KCNK3: variants seen among roughly 807,000 people sequenced by gnomAD.
The protein encoded by KCNK3 is potassium channel subfamily K member 3.
KCNK3 carries 9 observed loss-of-function variants against 27.3 expected under a neutral mutation model. The observed-to-expected ratio is 0.33, with a 90% confidence interval of 0.20 to 0.57. The LOEUF is 0.57. Among genes scored for constraint, KCNK3 ranks in the 20% least tolerant of loss-of-function variants. The pLI is 0.87. For synonymous variants in KCNK3, 278 were observed against 273.8 expected (o/e 1.02, Z -0.15); for missense variants, 391 against 577.7 (o/e 0.68, Z 3.31).
intron 1 of KCNK3, chr2:26,724,373 G>A (rs1024261840): frequency 6.5e-6 from 1 of 153,466 alleles, no homozygotes; most frequent in Non-Finnish European, 1.4e-5. Context: ...TCCCGGCCTG[G>A]TCGCCCTTCC....
intron 1 of KCNK3, among the ~76,000 whole-genome samples, chr2:26,720,219 C>T (rs1420443156): frequency 6.6e-6 from 1 of 152,218 alleles, no homozygotes; most frequent in Non-Finnish European, 1.5e-5. Context: ...CATGCCACTG[C>T]ACTCTAGCCT....
At chr2:26,715,672 T>C (rs1311501464) in intron 1 of KCNK3, among the ~76,000 whole-genome samples, 1 of 152,216 alleles carries the variant, frequency 6.6e-6, no homozygotes, top group Admixed American at 6.5e-5. Context: ...TGACTCCATG[T>C]GCCCCTGAGG....
chr2:26,728,442 C>A lies in KCNK3; in HGVS notation c.1059C>A (p.Tyr353Ter). The A allele has an allele frequency of 6.3e-7, 1 of 1,587,054 alleles. No individual in the cohort carries two copies. Among genetic ancestry groups the A allele is most frequent in the East Asian group, 2.3e-5 (1 of 43,680 alleles). ...SHSSPGGGGRYSDTPSRRCLC... is the reference protein window; with the variant it reads ...SHSSPGGGGR Reference sequence around the variant, plus strand: ...CGTCGCCGGGAGGGGGCGGCCGCTACAGCGACACGCCCTCGCGACGCTGCC... The same window carrying A: ...CGTCGCCGGGAGGGGGCGGCCGCTAAAGCGACACGCCCTCGCGACGCTGCC... The change falls in exon 2 of 2, where the codon TAC becomes TAA. Residue 353 changes from tyrosine to a stop codon, truncating the protein, a stop_gained. Transcript: ENST00000302909. LOFTEE classifies it high-confidence loss of function.
At position 26,713,764 on chromosome 2, in the gene KCNK3, C is replaced by T. The variant is rs187647419; in HGVS notation, c.284-13903C>T. Among the ~76,000 whole-genome samples the T allele has an allele frequency of 9.0e-5, 13 of 144,100 alleles. No individual in the cohort carries two copies. In the East Asian group the frequency reaches 1.2e-3, roughly 13 times the overall value. 94.5% of individuals were successfully genotyped at this position (144,100 alleles called of 152,430 possible). On this transcript the variant is annotated intron_variant, in intron 1 of 1. Coordinates refer to ENST00000302909, the MANE Select transcript of KCNK3 (RefSeq NM_002246.3). The stretch of plus-strand genomic sequence containing the variant: ...CGTACCACCAGCCTGGGCGAAAAAG[C>T]GAGAATCCATCTCAAAAAAAAAAAA...
Position 26,692,813 on chromosome 2 carries a change from G to A in KCNK3, c.-63G>A, listed in dbSNP as rs1572598613. On this transcript the variant is annotated 5_prime_UTR_variant, in exon 1 of 2. Coordinates refer to ENST00000302909, the MANE Select transcript of KCNK3 (RefSeq NM_002246.3). This position sits in a 1 kb window ranked among gnomAD's most constrained non-coding sequence, Gnocchi z 5.6. ...AGGCCGCCTCCGGGGCAGCAGCAGCGGCGGCCGGGGCCGAGGCGCGGGCCG... is the reference window on the plus strand; with the variant it reads ...AGGCCGCCTCCGGGGCAGCAGCAGCAGCGGCCGGGGCCGAGGCGCGGGCCG... 1 of 926,694 alleles carries A rather than the reference G, an allele frequency of 1.1e-6. No homozygotes were observed. The highest frequency in any genetic ancestry group is 1.3e-6 in the Non-Finnish European group (1 of 773,310). 57.4% of individuals were successfully genotyped at this position (926,694 alleles called of 1,614,324 possible). A position where few individuals can be genotyped will look rare whatever the true frequency, so the allele number is the denominator to read the frequency against.
chr2:26,728,477 G>C lies in KCNK3; in HGVS notation c.1094G>C (p.Gly365Ala). The part of the protein sequence containing the change: ...DTPSRRCLCS[G>A]APRSAISSVS... ...CCCTCGCGACGCTGCCTGTGCAGCG[G>C]GGCGCCACGCTCCGCCATCAGCTCG... is the stretch of plus-strand genomic sequence containing the variant. The change falls in exon 2 of 2, where the codon GGG (glycine) becomes GCG (alanine). Residue 365 changes from glycine (G) to alanine (A), a missense_variant. Gly to Ala is a moderately conservative substitution (Grantham distance 60). Around this residue, in one of 4 missense-constraint regions of KCNK3, gnomAD observed 192 missense variants for 196.0 expected, o/e 0.98. Transcript: ENST00000302909. The C allele has an allele frequency of 6.4e-7, 1 of 1,550,998 alleles. No homozygotes were observed. Among genetic ancestry groups the C allele is most frequent in the Admixed American group, 1.8e-5 (1 of 54,122 alleles).
intron 1 of KCNK3, among the ~76,000 whole-genome samples, chr2:26,702,055 C>T (rs1317646856): frequency 6.6e-6 from 1 of 152,136 alleles, no homozygotes; most frequent in African/African-American, 2.4e-5. Context: ...ATTTCATCAC[C>T]GAGGTACTAA....
Position 26,729,189 on chromosome 2 carries a change from G to A in KCNK3, c.*621G>A, listed in dbSNP as rs1663490412. On this transcript the variant is annotated 3_prime_UTR_variant, in exon 2 of 2. Coordinates refer to ENST00000302909, the MANE Select transcript of KCNK3 (RefSeq NM_002246.3). ...AGAAGGAGGGACAGGCAGGCAGCAGGAGGGGCGAGCTGGGAGGCAGGAGGC... is the reference window on the plus strand; with the variant it reads ...AGAAGGAGGGACAGGCAGGCAGCAGAAGGGGCGAGCTGGGAGGCAGGAGGC... 1 of 152,934 alleles carries A rather than the reference G, an allele frequency of 6.5e-6. No individual in the cohort carries two copies. Among genetic ancestry groups the A allele is most frequent in the Non-Finnish European group, 1.5e-5 (1 of 68,268 alleles). 9.5% of individuals were successfully genotyped at this position (152,934 alleles called of 1,614,324 possible). A position where few individuals can be genotyped will look rare whatever the true frequency, so the allele number is the denominator to read the frequency against.
At chr2:26,709,397 G>C (rs184303833) in intron 1 of KCNK3, among the ~76,000 whole-genome samples, 1 of 152,160 alleles carries the variant, frequency 6.6e-6, no homozygotes, top group East Asian at 1.9e-4. Context: ...GCAAGGAAGG[G>C]AGCCTGCCAG....
intron 1 of KCNK3, among the ~76,000 whole-genome samples, chr2:26,698,729 C>G (rs1314777921): frequency 6.6e-6 from 1 of 152,162 alleles, no homozygotes; most frequent in East Asian, 1.9e-4. Context: ...CTCCCCACCC[C>G]CCATCTCCCC....
At chr2:26,706,810 G>A (rs772576278) in intron 1 of KCNK3, among the ~76,000 whole-genome samples, 1 of 152,122 alleles carries the variant, frequency 6.6e-6, no homozygotes, top group Non-Finnish European at 1.5e-5. Context: ...GCTGTGACGG[G>A]CCAAGGAAAG....
At chr2:26,726,472 G>C (rs1308517173) in intron 1 of KCNK3, among the ~76,000 whole-genome samples, 1 of 152,130 alleles carries the variant, frequency 6.6e-6, no homozygotes, top group African/African-American at 2.4e-5. Context: ...GATTTGATAA[G>C]GCTTAGAATG....
rs748278164 is a variant in KCNK3 at position 26,728,477 on chromosome 2, G to A, written c.1094G>A (p.Gly365Glu). ...CCCTCGCGACGCTGCCTGTGCAGCG[G>A]GGCGCCACGCTCCGCCATCAGCTCG... ...DTPSRRCLCS[G>E]APRSAISSVS... Residue 365 changes from glycine (G) to glutamate (E), a missense_variant, in exon 2 of 2, where the codon GGG (glycine) becomes GAG (glutamate). Physicochemically the swap from Gly to Glu is moderately conservative, Grantham distance 98. Transcript: ENST00000302909. 176 of 1,550,878 alleles carry A rather than the reference G, an allele frequency of 1.1e-4. No homozygotes were observed. The highest frequency in any genetic ancestry group is 1.5e-4 in the Non-Finnish European group (173 of 1,145,800).
At chr2:26,724,050 G>A (rs1021082178) in intron 1 of KCNK3, among the ~76,000 whole-genome samples, 1 of 152,194 alleles carries the variant, frequency 6.6e-6, no homozygotes, top group Non-Finnish European at 1.5e-5. Flanking sequence ...GGCAGGCAGC[G>A]GGCCTGCTGG....
chr2:26,720,135 G>A (rs1390477293), intron 1 of KCNK3, among the ~76,000 whole-genome samples: 3 of 152,184 alleles, frequency 2.0e-5, no homozygotes, highest in African/African-American at 7.2e-5. Flanking sequence ...CACACCTGTA[G>A]TCACAGCTAC....
intron 1 of KCNK3, among the ~76,000 whole-genome samples, chr2:26,709,993 C>G (rs1054668389): frequency 6.6e-6 from 1 of 152,240 alleles, no homozygotes; most frequent in African/African-American, 2.4e-5. Context: ...AGCTTCCAGC[C>G]GTCTTGGCCT....
Position 26,693,305 on chromosome 2 carries a change from C to A in KCNK3, c.283+147C>A. 1.2e-6 allele frequency: 1 copy of A among 807,076 alleles called. No individual in the cohort carries two copies. Among genetic ancestry groups the A allele is most frequent in the African/African-American group, 1.8e-5 (1 of 54,454 alleles). 50.0% of individuals were successfully genotyped at this position (807,076 alleles called of 1,614,324 possible). A position where few individuals can be genotyped will look rare whatever the true frequency, so the allele number is the denominator to read the frequency against. On this transcript the variant is annotated intron_variant, in intron 1 of 1. Transcript: ENST00000302909. This position sits in a 1 kb window ranked among gnomAD's most constrained non-coding sequence, Gnocchi z 5.5. ...GCGCTCGCAGAAACCCGAGTTCAGC[C>A]TGGCGTGTGTGCTCCGCGGGGACGG...
At position 26,692,997 on chromosome 2, in the gene KCNK3, T is replaced by TGGAGCTGCGGCAGCA. The variant is rs1670188906; in HGVS notation, c.133_147dup (p.Gln45_Arg49dup). On this transcript the variant is annotated inframe_insertion, in exon 1 of 2. Transcript: ENST00000302909. The surrounding 1 kb of genome is among the most constrained non-coding windows in gnomAD (Gnocchi z 5.6). ...CCCGAGCTGATCGAGCGGCAGCGGCTGGAGCTGCGGCAGCAGGAGCTGCGG... is the reference window on the plus strand; with the variant it reads ...CCCGAGCTGATCGAGCGGCAGCGGCTGGAGCTGCGGCAGCAGGAGCTGCGGCAGCAGGAGCTGCGG... 6.3e-7 allele frequency: 1 copy of TGGAGCTGCGGCAGCA among 1,577,796 alleles called. No individual in the cohort carries two copies. Among genetic ancestry groups the TGGAGCTGCGGCAGCA allele is most frequent in the Non-Finnish European group, 8.6e-7 (1 of 1,167,202 alleles).
Position 26,729,241 on chromosome 2 carries a change from C to G in KCNK3, c.*673C>G, listed in dbSNP as rs971011730. 6.6e-6 allele frequency: 1 copy of G among 152,452 alleles called. No homozygotes were observed. Among genetic ancestry groups the G allele is most frequent in the Non-Finnish European group, 1.5e-5 (1 of 68,104 alleles). 9.4% of individuals were successfully genotyped at this position (152,452 alleles called of 1,614,324 possible). ...GCGGCCTGTCAGTCTGCAGAATGGT[C>G]GCACTGGAGGTTCAAGCTAACTGGC... On this transcript the variant is annotated 3_prime_UTR_variant, in exon 2 of 2. Coordinates refer to ENST00000302909, the MANE Select transcript of KCNK3 (RefSeq NM_002246.3).
Sources: gnomAD v4.1 joint callset for allele counts (sites outside exome capture counted in the v4.1 genomes callset) on GRCh38, gnomAD v4.1.1 for gene constraint, gnomAD v4.1.1 regional missense constraint, Gnocchi (gnomAD v3.1) non-coding constraint, MANE v1.5 for transcripts, NCBI Gene and HGNC (gene_info 2026-07-23, HGNC 2026-07-21) for gene names.